Variants in PTRH1 observed in about 807,000 individuals in gnomAD.
PTRH1 encodes peptidyl-tRNA hydrolase 1 homolog.
Under a neutral mutation model 15.7 loss-of-function variants are expected in PTRH1, and 13 were observed. The observed-to-expected ratio is 0.83, with a 90% confidence interval of 0.54 to 1.31. The LOEUF (loss-of-function observed/expected upper bound fraction) is 1.31, where lower values mean the gene tolerates loss of function less well. Ranked by LOEUF, PTRH1 falls within the 40% of genes most tolerant of loss-of-function variation. The pLI is 0.00. For synonymous variants in PTRH1, 139 were observed against 136.7 expected (o/e 1.02, Z -0.12); for missense variants, 319 against 296.2 (o/e 1.08, Z -0.56).
downstream of PTRH1, chr9:127,712,087 G>A (rs1842778921): frequency 1.3e-6 from 2 of 1,513,410 alleles, no homozygotes; most frequent in East Asian, 4.7e-5. Flanking sequence ...GAGGCTTGGG[G>A]CGGGATGGGG....
intron 1 of PTRH1, among the ~76,000 whole-genome samples, chr9:127,706,241 CTG>C (rs1842646398): frequency 6.6e-6 from 1 of 152,178 alleles, no homozygotes; most frequent in African/African-American, 2.4e-5. Flanking sequence ...CCCCACCTCC[CTG>C]TGTTTCTGAC....
chr9:127,711,761 G>A (rs1159256799), downstream of PTRH1: 2 of 1,527,124 alleles, frequency 1.3e-6, no homozygotes, highest in African/African-American at 1.4e-5. Context: ...AGGCCTGGCT[G>A]TGTCTGCAGC....
At chr9:127,711,824 T>C (rs1200466419), downstream of PTRH1, 2 of 1,564,934 alleles carry the variant, frequency 1.3e-6, no homozygotes, top group African/African-American at 1.4e-5. Flanking sequence ...CCGCAGATCA[T>C]CCTCATGCTG....
At position 127,702,368 on chromosome 9, in the gene PTRH1, G is replaced by C. The variant is rs1316892787; in HGVS notation, c.206-7227C>G. Among the ~76,000 whole-genome samples, 6 of 142,148 alleles carry C rather than the reference G, an allele frequency of 4.2e-5. No homozygotes were observed. The South Asian group carries it at 9.0e-4, about 21-fold the overall frequency. The allele number at this position is 142,148 out of a possible 152,430, so 93.3% of individuals were successfully genotyped here. A position where few individuals can be genotyped will look rare whatever the true frequency, so the allele number is the denominator to read the frequency against. On this transcript the variant is annotated intron_variant, in intron 1 of 2. Coordinates refer to the PTRH1 transcript ENST00000335223. ...AGCCTGGGTGACAGAGCAAGATTCCGTCTCCAAAAAAAAAAAAAAAAAGCC... is the reference window on the plus strand; with the variant it reads ...AGCCTGGGTGACAGAGCAAGATTCCCTCTCCAAAAAAAAAAAAAAAAAGCC...
At position 127,714,980 on chromosome 9, in the gene PTRH1, C is replaced by A. The variant is rs1377654512; in HGVS notation, c.311G>T (p.Arg104Leu). The change falls in exon 2 of 5, where the codon CGG becomes CTG. Residue 104 changes from arginine to leucine, a missense_variant. Transcript: ENST00000543175. ...CCCTGGCGCTCTCAACTCACCAGCC[C>A]GGGCCACGCTGCGCCCGTTGGCGTT... ...LMNANGRSVA[R>L]AAELFGLTAE... 2 of 1,448,854 alleles carry A rather than the reference C, an allele frequency of 1.4e-6. No individual in the cohort carries two copies. Among genetic ancestry groups the A allele is most frequent in the Admixed American group, 5.2e-5 (2 of 38,260 alleles). The allele number at this position is 1,448,854 out of a possible 1,614,324, so 89.7% of individuals were successfully genotyped here. A position where few individuals can be genotyped will look rare whatever the true frequency, so the allele number is the denominator to read the frequency against.
At chr9:127,701,454 G>T (rs1288282387) in intron 1 of PTRH1, among the ~76,000 whole-genome samples, 2 of 152,204 alleles carry the variant, frequency 1.3e-5, no homozygotes, top group Non-Finnish European at 2.9e-5. Context: ...ATGAATGAAT[G>T]AAGGCACTTA....
chr9:127,714,724 C>G, intron 2 of PTRH1, 22 bp from the exon 3 acceptor site: 1 of 1,585,514 alleles, frequency 6.3e-7, no homozygotes, highest in South Asian at 1.1e-5. Context: ...GAAACGGCAG[C>G]CCTGGTTACT....
At chr9:127,697,586 G>A (rs1842571680) in intron 1 of PTRH1, among the ~76,000 whole-genome samples, 1 of 152,162 alleles carries the variant, frequency 6.6e-6, no homozygotes, top group Non-Finnish European at 1.5e-5. Context: ...ACTTGAACCC[G>A]GGAAGCAGAG....
chr9:127,698,136 T>G (rs900176770), intron 1 of PTRH1, among the ~76,000 whole-genome samples: 5 of 152,190 alleles, frequency 3.3e-5, no homozygotes, highest in African/African-American at 1.2e-4. Flanking sequence ...GGCGTGTGCC[T>G]GTAGTCCTAA....
At chr9:127,704,827 C>T (rs886328671) in intron 1 of PTRH1, among the ~76,000 whole-genome samples, 1 of 152,158 alleles carries the variant, frequency 6.6e-6, no homozygotes, top group African/African-American at 2.4e-5. Context: ...TAACTCACTG[C>T]AGCCTCGAAT....
At chr9:127,712,841 C>T, downstream of PTRH1, 4 of 1,613,360 alleles carry the variant, frequency 2.5e-6, no homozygotes, top group Non-Finnish European at 3.4e-6. Context: ...GTGTCCCCAC[C>T]AGGAGTCACA....
downstream of PTRH1, chr9:127,711,834 G>A: frequency 6.4e-7 from 1 of 1,569,454 alleles, no homozygotes. Context: ...TCCTCATGCT[G>A]ACTAAGAAGT....
rs150422298 is a variant in PTRH1, at chr9:127,714,261, C to A, written c.484G>T (p.Gly162Cys). The change falls in exon 5 of 5, where the codon GGT (glycine) becomes TGT (cysteine). Residue 162 changes from glycine to cysteine, a missense_variant. Coordinates refer to ENST00000543175, the MANE Select transcript of PTRH1 (RefSeq NM_001002913.3). ...NSNAMPRLRV[G>C]IGRPAHPEAV... Reference sequence around the variant, plus strand: ...TCAGGGTGCGCCGGGCGCCCGATACCCACCCGCAGCCTTGGCATTGCCTGT... The same window carrying A: ...TCAGGGTGCGCCGGGCGCCCGATACACACCCGCAGCCTTGGCATTGCCTGT... 7.9e-5 allele frequency: 128 copies of A among 1,613,796 alleles called. No homozygotes were observed. The highest frequency in any genetic ancestry group is 1.0e-4 in the Non-Finnish European group (121 of 1,179,934).
chr9:127,699,650 T>C (rs571771960), intron 1 of PTRH1, among the ~76,000 whole-genome samples: 2 of 152,158 alleles, frequency 1.3e-5, no homozygotes, highest in Non-Finnish European at 2.9e-5. Context: ...TTCCATATTT[T>C]TTCCATGTGA....
chr9:127,712,737 T>C (rs1481683864), downstream of PTRH1: 7 of 1,614,132 alleles, frequency 4.3e-6, no homozygotes, highest in South Asian at 2.2e-5. Flanking sequence ...GACAGTGACG[T>C]TGACGTGACG....
chr9:127,710,611 G>C, downstream of PTRH1: 4 of 1,583,376 alleles, frequency 2.5e-6, no homozygotes, highest in Non-Finnish European at 3.4e-6. Flanking sequence ...GGGGGAAGCT[G>C]GCAGCCCTGG....
downstream of PTRH1, chr9:127,712,177 ACT>A (rs1413396473): frequency 1.2e-6 from 2 of 1,612,962 alleles, no homozygotes; most frequent in Admixed American, 1.7e-5. Flanking sequence ...AAGGCTGTTG[ACT>A]CATCCCAGTT....
At chr9:127,699,242 T>C (rs570141800) in intron 1 of PTRH1, among the ~76,000 whole-genome samples, 2 of 152,322 alleles carry the variant, frequency 1.3e-5, no homozygotes, top group South Asian at 2.1e-4. Context: ...CCCCTGGCGC[T>C]CTGGCAAGGG....
downstream of PTRH1, among the ~76,000 whole-genome samples, chr9:127,710,198 C>CTGGGA (rs1842730586): frequency 6.6e-6 from 1 of 150,608 alleles, no homozygotes; most frequent in South Asian, 2.1e-4. Flanking sequence ...TCTCTTGAGC[C>CTGGGA]TGGGAGGCTG....
Sources: allele counts gnomAD v4.1 joint callset (sites outside exome capture counted in the v4.1 genomes callset), GRCh38; gene constraint gnomAD v4.1.1; transcripts MANE v1.5; gene names NCBI Gene and HGNC (gene_info 2026-07-23, HGNC 2026-07-21).